TCF7L2: variants seen among roughly 807,000 people sequenced by gnomAD.
TCF7L2 encodes transcription factor 7 like 2.
In TCF7L2, 23 loss-of-function variants were observed where a neutral mutation model predicts 77.9. That is an observed-to-expected ratio of 0.30 (90% CI 0.21 to 0.42). TCF7L2 has a LOEUF of 0.42. Ranked by LOEUF, TCF7L2 falls within the 10% of genes least tolerant of loss-of-function variation. TCF7L2 has a pLI of 1.00. For missense variants in TCF7L2, 654 were observed against 793.1 expected, an observed-to-expected ratio of 0.82 and a Z score of 2.11; for synonymous variants, 413 against 340.2, an observed-to-expected ratio of 1.21 and a Z score of -2.36.
chr10:113,113,161 C>G (rs1270791994), intron 5 of TCF7L2, among the ~76,000 whole-genome samples: 1 of 152,160 alleles, frequency 6.6e-6, no homozygotes, highest in Non-Finnish European at 1.5e-5. Flanking sequence ...CCAACCCGGT[C>G]TGCCTTGTCA....
At chr10:113,111,739 C>T (rs1276447184) in intron 5 of TCF7L2, among the ~76,000 whole-genome samples, 1 of 152,176 alleles carries the variant, frequency 6.6e-6, no homozygotes, top group Non-Finnish European at 1.5e-5. Flanking sequence ...CTGTAATGAG[C>T]TGTGATCACG....
intron 12 of TCF7L2, 43 bp from the exon 13 acceptor site, chr10:113,158,624 C>A: frequency 6.2e-7 from 1 of 1,609,612 alleles, no homozygotes; most frequent in South Asian, 1.1e-5. Flanking sequence ...ACAAACAAAA[C>A]AAAAATTTTG....
intron 4 of TCF7L2, among the ~76,000 whole-genome samples, chr10:112,973,051 T>C (rs1242848599): frequency 3.9e-5 from 6 of 152,136 alleles, no homozygotes; most frequent in Admixed American, 1.3e-4. Context: ...GCAACACACA[T>C]AGAAATCACG....
chr10:113,068,637 T>G (rs565867847), intron 5 of TCF7L2, among the ~76,000 whole-genome samples: 1 of 152,304 alleles, frequency 6.6e-6, no homozygotes, highest in African/African-American at 2.4e-5. Flanking sequence ...AGCACTGTCC[T>G]GGACCTCAGG....
chr10:113,165,420 G>T (rs922254493), intron 13 of TCF7L2, 135 bp from the exon 15 acceptor site: 7 of 972,502 alleles, frequency 7.2e-6, no homozygotes, highest in Non-Finnish European at 1.1e-5. Context: ...CACTGTAATT[G>T]TCCTCGGACC....
At chr10:112,993,386 G>A (rs1295175233) in intron 4 of TCF7L2, among the ~76,000 whole-genome samples, 1 of 151,828 alleles carries the variant, frequency 6.6e-6, no homozygotes, top group Non-Finnish European at 1.5e-5. Flanking sequence ...GGCACCTGTA[G>A]TCCCACCTAC....
chr10:113,012,849 A>T (rs920964602), intron 4 of TCF7L2, among the ~76,000 whole-genome samples: 2 of 152,158 alleles, frequency 1.3e-5, no homozygotes, highest in African/African-American at 4.8e-5. Flanking sequence ...AGTTCACATG[A>T]TTAATTTTGA....
chr10:113,103,766 T>C (rs2061942206), intron 5 of TCF7L2, among the ~76,000 whole-genome samples: 1 of 152,138 alleles, frequency 6.6e-6, no homozygotes, highest in Non-Finnish European at 1.5e-5. Flanking sequence ...ATTTGCACAG[T>C]GTGTGGTCCT....
At chr10:113,051,805 TTC>T (rs1330708453) in intron 5 of TCF7L2, among the ~76,000 whole-genome samples, 3 of 152,224 alleles carry the variant, frequency 2.0e-5, no homozygotes, top group Non-Finnish European at 4.4e-5. Context: ...CTTTTCTGGC[TTC>T]TGTTTAACAT....
At position 113,160,641 on chromosome 10, in the gene TCF7L2, T is replaced by C. The variant is rs200100323; in HGVS notation, c.1341T>C (p.Cys447=). 78 of 1,597,532 alleles carry C rather than the reference T, an allele frequency of 4.9e-5. No homozygotes were observed. In the African/African-American group the frequency reaches 9.1e-4, roughly 19 times the overall value. Residue 447 remains cysteine (C), a synonymous_variant, in exon 13 of 14, where the codon TGT becomes TGC. Coordinates refer to ENST00000627217, the MANE Select transcript of TCF7L2 (RefSeq NM_001146274.2). ...CAGATGCAAATACTCCAAAGAAGTGTCGGGCACTGTTCGGGCTTGACCGAC... is the reference window on the plus strand; with the variant it reads ...CAGATGCAAATACTCCAAAGAAGTGCCGGGCACTGTTCGGGCTTGACCGAC...
chr10:113,162,084 G>T (rs1329249627), intron 13 of TCF7L2, among the ~76,000 whole-genome samples: 1 of 152,166 alleles, frequency 6.6e-6, no homozygotes, highest in Non-Finnish European at 1.5e-5. Flanking sequence ...AGCCAGGGAG[G>T]GCAGGGACTC....
chr10:112,951,534 A>C lies in TCF7L2; in HGVS notation c.308A>C (p.Tyr103Ser), dbSNP rs569153544. The C allele has an allele frequency of 5.7e-6, 8 of 1,408,430 alleles. No homozygotes were observed. The highest frequency in any genetic ancestry group is 5.7e-6 in the Non-Finnish European group (6 of 1,056,990). The allele number at this position is 1,408,430 out of a possible 1,614,324, so 87.2% of individuals were successfully genotyped here. A position where few individuals can be genotyped will look rare whatever the true frequency, so the allele number is the denominator to read the frequency against. Reference sequence around the variant, plus strand: ...TTTAAGGGGCCACCGTATCCCGGCTACCCCTTCATCATGATCCCCGACCTG... The same window carrying C: ...TTTAAGGGGCCACCGTATCCCGGCTCCCCCTTCATCATGATCCCCGACCTG... The change falls in exon 3 of 14, where the codon TAC (tyrosine) becomes TCC (serine). Residue 103 changes from tyrosine (Y) to serine (S), a missense_variant. Tyr to Ser is a moderately radical substitution (Grantham distance 144). Around this residue, in one of 6 missense-constraint regions of TCF7L2, gnomAD observed 132 missense variants for 123.7 expected, o/e 1.07. Coordinates refer to ENST00000627217, the MANE Select transcript of TCF7L2 (RefSeq NM_001146274.2).
chr10:113,166,665 A>G lies in TCF7L2; in HGVS notation c.*693A>G, dbSNP rs2074055772. The G allele has an allele frequency of 8.7e-6, 2 of 231,014 alleles. No homozygotes were observed. The highest frequency in any genetic ancestry group is 5.6e-5 in the Admixed American group (1 of 17,730). 14.3% of individuals were successfully genotyped at this position (231,014 alleles called of 1,614,324 possible). A position where few individuals can be genotyped will look rare whatever the true frequency, so the allele number is the denominator to read the frequency against. On this transcript the variant is annotated 3_prime_UTR_variant, in exon 14 of 14. Transcript: ENST00000627217. ...TTTAGAGATTGCTTGTCGTACCTGTATGTCGTCCCTTTTTAAATATGTTTT... is the reference window on the plus strand; with the variant it reads ...TTTAGAGATTGCTTGTCGTACCTGTGTGTCGTCCCTTTTTAAATATGTTTT...
chr10:113,060,773 GT>G (rs2056305202), intron 5 of TCF7L2, among the ~76,000 whole-genome samples: 2 of 152,164 alleles, frequency 1.3e-5, no homozygotes, highest in African/African-American at 4.8e-5. Flanking sequence ...AGGGAACAGT[GT>G]TGTTGGAAAG....
At chr10:113,034,819 C>G (rs2050862325) in intron 4 of TCF7L2, among the ~76,000 whole-genome samples, 1 of 152,204 alleles carries the variant, frequency 6.6e-6, no homozygotes, top group African/African-American at 2.4e-5. Flanking sequence ...TCACTTGAAG[C>G]TGGAAGGTAG....
At chr10:112,985,429 G>C (rs1373768480) in intron 4 of TCF7L2, among the ~76,000 whole-genome samples, 2 of 152,054 alleles carry the variant, frequency 1.3e-5, no homozygotes, top group Non-Finnish European at 2.9e-5. Flanking sequence ...CCTCCCCCAA[G>C]ACATATAATA....
chr10:113,015,918 A>G (rs923059876), intron 4 of TCF7L2, among the ~76,000 whole-genome samples: 4 of 152,224 alleles, frequency 2.6e-5, no homozygotes, highest in African/African-American at 4.8e-5. Flanking sequence ...GTGACAGAGC[A>G]GGGGTTTCCT....
At chr10:112,982,719 G>T (rs1455069677) in intron 4 of TCF7L2, among the ~76,000 whole-genome samples, 1 of 152,122 alleles carries the variant, frequency 6.6e-6, no homozygotes, top group East Asian at 1.9e-4. Context: ...CCACCTCCCG[G>T]ATTCAAACAA....
chr10:113,022,979 C>G (rs940444761), intron 4 of TCF7L2, among the ~76,000 whole-genome samples: 1 of 152,138 alleles, frequency 6.6e-6, no homozygotes, highest in Non-Finnish European at 1.5e-5. Flanking sequence ...GATTTGAACC[C>G]AGGTCTGAGC....
Sources: gnomAD v4.1 joint callset for allele counts (sites outside exome capture counted in the v4.1 genomes callset) on GRCh38, gnomAD v4.1.1 for gene constraint, gnomAD v4.1.1 regional missense constraint, MANE v1.5 for transcripts, NCBI Gene and HGNC (gene_info 2026-07-23, HGNC 2026-07-21) for gene names.